Variants in HMGCLL1 observed in about 807,000 individuals in gnomAD.
The protein encoded by HMGCLL1 is 3-hydroxy-3-methylglutaryl-CoA lyase like 1.
In HMGCLL1, 36 loss-of-function variants were observed where a neutral mutation model predicts 39.1. The ratio of observed to expected loss-of-function variants is 0.92; its 90% confidence interval spans 0.71 to 1.22. HMGCLL1 has a LOEUF of 1.22. Ranked by LOEUF, HMGCLL1 falls within the 50% of genes most tolerant of loss-of-function variation. HMGCLL1 has a pLI of 0.00. For synonymous variants in HMGCLL1, 149 were observed against 144.0 expected (o/e 1.03, Z -0.25); for missense variants, 451 against 416.5 (o/e 1.08, Z -0.72).
At chr6:55,502,356 A>G (rs544251270) in intron 5 of HMGCLL1, among the ~76,000 whole-genome samples, 2 of 151,636 alleles carry the variant, frequency 1.3e-5, no homozygotes, top group Non-Finnish European at 3.0e-5. Flanking sequence ...GATCTGCTAT[A>G]CTTCTTCAAT....
chr6:55,521,358 G>A (rs1018677006), intron 3 of HMGCLL1, among the ~76,000 whole-genome samples: 4 of 151,958 alleles, frequency 2.6e-5, no homozygotes, highest in African/African-American at 9.7e-5. Flanking sequence ...TTGTAAATAG[G>A]CTACAGCAGA....
the HMGCLL1 span, among the ~76,000 whole-genome samples, chr6:55,634,538 T>C: frequency 3.9e-5 from 6 of 152,138 alleles, no homozygotes; most frequent in African/African-American, 1.4e-4. Context: ...AAATGACATT[T>C]CTAAAATGAC....
intron 3 of HMGCLL1, among the ~76,000 whole-genome samples, chr6:55,517,420 G>T (rs541219361): frequency 6.6e-6 from 1 of 152,014 alleles, no homozygotes; most frequent in East Asian, 1.9e-4. Context: ...ATTGTGGCAT[G>T]AACAATAAAT....
intron 1 of HMGCLL1, among the ~76,000 whole-genome samples, chr6:55,571,859 C>A (rs1561970088): frequency 6.6e-6 from 1 of 151,914 alleles, no homozygotes; most frequent in Non-Finnish European, 1.5e-5. Flanking sequence ...GAGGTAAATT[C>A]ATCTAATTAA....
At chr6:55,590,612 G>A in the HMGCLL1 span, among the ~76,000 whole-genome samples, 121 of 152,056 alleles carry the variant, frequency 8.0e-4, no homozygotes, top group Non-Finnish European at 1.4e-3. Flanking sequence ...GAGTGAACAG[G>A]AAATCAGTTT....
chr6:55,536,571 T>G (rs1769038882), intron 3 of HMGCLL1, among the ~76,000 whole-genome samples: 1 of 152,222 alleles, frequency 6.6e-6, no homozygotes, highest in Non-Finnish European at 1.5e-5. Context: ...AAACATGTTT[T>G]CTTTCTGCTG....
At chr6:55,662,296 C>T in the HMGCLL1 span, among the ~76,000 whole-genome samples, 2 of 151,876 alleles carry the variant, frequency 1.3e-5, no homozygotes, top group South Asian at 4.1e-4. Context: ...CAGCTTTTGC[C>T]CATTCAGTTT....
chr6:55,637,695 C>G, the HMGCLL1 span, among the ~76,000 whole-genome samples: 60 of 144,246 alleles, frequency 4.2e-4, 1 homozygote, highest in African/African-American at 1.5e-3. Flanking sequence ...TTCCCCTGGT[C>G]TTCCTTCTAT....
chr6:55,661,862 C>T, the HMGCLL1 span, among the ~76,000 whole-genome samples: 4 of 151,616 alleles, frequency 2.6e-5, no homozygotes, highest in African/African-American at 9.7e-5. Flanking sequence ...ATTGTTTTTT[C>T]ATTTGTTTAT....
chr6:55,620,476 C>A, the HMGCLL1 span, among the ~76,000 whole-genome samples: 1 of 151,980 alleles, frequency 6.6e-6, no homozygotes, highest in East Asian at 1.9e-4. Context: ...TATATGTTTA[C>A]CTTTTATATC....
Position 55,439,447 on chromosome 6 carries a change from A to C in HMGCLL1, c.908T>G (p.Leu303Arg), listed in dbSNP as rs772011384. 1 of 1,612,264 alleles carries C rather than the reference A, an allele frequency of 6.2e-7. No homozygotes were observed. Among genetic ancestry groups the C allele is most frequent in the Non-Finnish European group, 8.5e-7 (1 of 1,178,800 alleles). Reference sequence around the variant, plus strand: ...AAAGTAACTTACTGTATTGAGCCCCAGGCCATTAAGCATATATATCAAATC... The same window carrying C: ...AAAGTAACTTACTGTATTGAGCCCCCGGCCATTAAGCATATATATCAAATC... ...TEDLIYMLNG[L>R]GLNTGVNLYK... The change falls in exon 8 of 9, where the codon CTG (leucine) becomes CGG (arginine). Residue 303 changes from leucine (L) to arginine (R), a missense_variant. Transcript: ENST00000274901.
the HMGCLL1 span, among the ~76,000 whole-genome samples, chr6:55,639,548 CT>C: frequency 2.6e-5 from 4 of 151,782 alleles, no homozygotes; most frequent in Non-Finnish European, 5.9e-5. Flanking sequence ...GATGAATAGT[CT>C]ATGAAAGAGC....
At chr6:55,665,098 G>C in the HMGCLL1 span, among the ~76,000 whole-genome samples, 1 of 151,658 alleles carries the variant, frequency 6.6e-6, no homozygotes. Context: ...ACAATTACTA[G>C]GGAATAGGAA....
the HMGCLL1 span, among the ~76,000 whole-genome samples, chr6:55,656,326 A>G: frequency 6.6e-6 from 1 of 151,992 alleles, no homozygotes; most frequent in Non-Finnish European, 1.5e-5. Flanking sequence ...CTGCACTCTA[A>G]GAATTATAGG....
chr6:55,523,327 T>C (rs1768131631), intron 3 of HMGCLL1, among the ~76,000 whole-genome samples: 1 of 151,992 alleles, frequency 6.6e-6, no homozygotes, highest in African/African-American at 2.4e-5. Flanking sequence ...AGTCATGATA[T>C]TCGGGAAGGA....
chr6:55,527,737 T>G (rs7749276), intron 3 of HMGCLL1, among the ~76,000 whole-genome samples: 2 of 151,718 alleles, frequency 1.3e-5, no homozygotes, highest in Admixed American at 1.3e-4. Flanking sequence ...GTTTTACCCA[T>G]GACAAAAAAG....
At chr6:55,618,617 T>G in the HMGCLL1 span, among the ~76,000 whole-genome samples, 2 of 151,808 alleles carry the variant, frequency 1.3e-5, no homozygotes, top group Non-Finnish European at 2.9e-5. Context: ...AACTTAGAAT[T>G]CTAGAAACAA....
chr6:55,568,286 T>C (rs1375427654), intron 1 of HMGCLL1, among the ~76,000 whole-genome samples: 1 of 152,170 alleles, frequency 6.6e-6, no homozygotes, highest in African/African-American at 2.4e-5. Context: ...GATGGCAACC[T>C]TCTGGCAATT....
At chr6:55,623,434 G>A in the HMGCLL1 span, among the ~76,000 whole-genome samples, 19 of 151,574 alleles carry the variant, frequency 1.3e-4, no homozygotes, top group Admixed American at 5.9e-4. Context: ...ATAGATTTTC[G>A]TGTGGTGTAT....
Sources: allele counts gnomAD v4.1 joint callset (sites outside exome capture counted in the v4.1 genomes callset), GRCh38; gene constraint gnomAD v4.1.1; transcripts MANE v1.5; gene names NCBI Gene and HGNC (gene_info 2026-07-23, HGNC 2026-07-21).